USP24: variants seen among roughly 807,000 people sequenced by gnomAD.
USP24 encodes the protein ubiquitin carboxyl-terminal hydrolase 24.
Under a neutral mutation model 361.6 loss-of-function variants are expected in USP24, and 97 were observed. That is an observed-to-expected ratio of 0.27 (90% CI 0.23 to 0.32). The LOEUF (loss-of-function observed/expected upper bound fraction) is 0.32. Ranked by LOEUF, USP24 falls within the 10% of genes least tolerant of loss-of-function variation. The pLI is 1.00. For missense variants in USP24, 2,353 were observed against 3,165.6 expected, an observed-to-expected ratio of 0.74 and a Z score of 6.16; for synonymous variants, 1,098 against 1,124.6, an observed-to-expected ratio of 0.98 and a Z score of 0.47.
intron 37 of USP24, 103 bp downstream of exon 37, chr1:55,121,333 C>T (rs1285597543): frequency 2.3e-5 from 24 of 1,051,410 alleles, no homozygotes; most frequent in Middle Eastern, 2.1e-4. Flanking sequence ...CCTGAGAGCA[C>T]TCAATGCCAC....
At chr1:55,191,259 T>C (rs923885863) in intron 1 of USP24, among the ~76,000 whole-genome samples, 8 of 152,198 alleles carry the variant, frequency 5.3e-5, no homozygotes, top group Non-Finnish European at 1.0e-4. Context: ...ACAAGTAACA[T>C]TGTTGGATAC....
At chr1:55,152,030 A>AC (rs920709908) in intron 16 of USP24, 1 of 977,734 alleles carries the variant, frequency 1.0e-6, no homozygotes, top group Admixed American at 6.2e-5. Flanking sequence ...TAAATAATTC[A>AC]CCCCCCTGCC....
At chr1:55,083,178 T>C (rs1196537348) in intron 58 of USP24, 94 bp downstream of exon 58, 15 of 1,272,834 alleles carry the variant, frequency 1.2e-5, no homozygotes, top group Middle Eastern at 3.8e-4. Context: ...ACTTAGACTT[T>C]TATGAAATTA....
intron 38 of USP24, among the ~76,000 whole-genome samples, chr1:55,116,542 T>C (rs1264033337): frequency 6.6e-6 from 1 of 152,076 alleles, no homozygotes; most frequent in Non-Finnish European, 1.5e-5. Flanking sequence ...TAAGCAACTA[T>C]ATGCCAACAA....
Position 55,097,178 on chromosome 1 carries a change from T to A in USP24, c.5716-6A>T. The A allele has an allele frequency of 6.2e-7, 1 of 1,613,724 alleles. No homozygotes were observed. On this transcript the variant is annotated splice_region_variant and splice_polypyrimidine_tract_variant and intron_variant, in intron 48 of 67. Coordinates refer to ENST00000294383, the MANE Select transcript of USP24 (RefSeq NM_015306.3). ...ATGTTTAGCATCCAGGGAAACTATG[T>A]AGAAGCAAAAAGACCATATTAACGT... is the stretch of plus-strand genomic sequence containing the variant.
intron 27 of USP24, 47 bp from the exon 28 acceptor site, chr1:55,137,735 A>C: frequency 1.3e-6 from 2 of 1,577,264 alleles, no homozygotes; most frequent in Non-Finnish European, 1.7e-6. Flanking sequence ...GGAAGAGGAA[A>C]TTATTCATAT....
At chr1:55,085,894 T>C in intron 56 of USP24, 48 bp downstream of exon 56, 1 of 1,565,116 alleles carries the variant, frequency 6.4e-7, no homozygotes, top group Non-Finnish European at 8.8e-7. Flanking sequence ...ATTTAAAACA[T>C]TTGGTAAAAA....
At position 55,083,349 on chromosome 1, in the gene USP24, C is replaced by T; in HGVS notation, c.6898G>A (p.Gly2300Arg). Residue 2300 changes from glycine (G) to arginine (R), a missense_variant, in exon 58 of 68, where the codon GGA becomes AGA. Physicochemically the swap from Gly to Arg is moderately radical, Grantham distance 125. This residue lies in a region of USP24 where 598 missense variants were observed against 761.9 expected (regional missense o/e 0.78). Transcript: ENST00000294383. ...TFVQKQGIRA[G>R]DLLLRHSALR... ...GCTGAATGCCTCAGAAGAAGATCTC[C>T]AGCCCTAATTCCTTGCTGTCACAAG... The T allele has an allele frequency of 1.2e-6, 2 of 1,613,574 alleles. No individual in the cohort carries two copies. The highest frequency in any genetic ancestry group is 1.7e-6 in the Non-Finnish European group (2 of 1,179,656).
chr1:55,123,316 G>T, intron 36 of USP24, 131 bp downstream of exon 36: 3 of 1,036,056 alleles, frequency 2.9e-6, no homozygotes, highest in Non-Finnish European at 4.0e-6. Flanking sequence ...TCTTAGCTAC[G>T]CCACATGCCA....
chr1:55,092,164 G>A lies in USP24; in HGVS notation c.6451-38C>T, dbSNP rs1645391518. Reference sequence around the variant, plus strand: ...AACATGAAAGAGGATATTTTTCACAGAAGTTTTATAGATTATTACACAGTT... The same window carrying A: ...AACATGAAAGAGGATATTTTTCACAAAAGTTTTATAGATTATTACACAGTT... On this transcript the variant is annotated intron_variant, in intron 53 of 67. Transcript: ENST00000294383. The A allele has an allele frequency of 4.9e-6, 7 of 1,418,340 alleles. No individual in the cohort carries two copies. In the Admixed American group the frequency reaches 1.1e-4, roughly 22 times the overall value. The allele number at this position is 1,418,340 out of a possible 1,614,324, so 87.9% of individuals were successfully genotyped here. A position where few individuals can be genotyped will look rare whatever the true frequency, so the allele number is the denominator to read the frequency against.
At chr1:55,157,801 T>TCCAGC (rs1245044324) in intron 10 of USP24, among the ~76,000 whole-genome samples, 3 of 144,140 alleles carry the variant, frequency 2.1e-5, no homozygotes, top group Non-Finnish European at 4.5e-5. Context: ...GCCACTGCAC[T>TCCAGC]CCAGCCTGGG....
chr1:55,175,219 CTTTTTTTTT>C (rs3072970), intron 3 of USP24, among the ~76,000 whole-genome samples: 9 of 66,930 alleles, frequency 1.3e-4, no homozygotes, highest in South Asian at 7.4e-4. Context: ...TACTGGGTCT[CTTTTTTTTT>C]TTTTTTTTTT....
At chr1:55,185,836 T>G (rs917913260) in intron 1 of USP24, among the ~76,000 whole-genome samples, 2 of 152,198 alleles carry the variant, frequency 1.3e-5, no homozygotes, top group Admixed American at 1.3e-4. Context: ...TCCAAAGTTC[T>G]GGGATCACAG....
chr1:55,178,492 C>A (rs1226344614), intron 1 of USP24, among the ~76,000 whole-genome samples: 3 of 151,758 alleles, frequency 2.0e-5, no homozygotes, highest in Admixed American at 6.6e-5. Flanking sequence ...CACGGTGAAA[C>A]CCCGTCTCTA....
At position 55,134,145 on chromosome 1, in the gene USP24, C is replaced by T. The variant is rs370042721; in HGVS notation, c.3306G>A (p.Arg1102=). ...LEEPRITLRV[R]KLLLLIPTDP... ...CAGTGGGTATCAAGAGCAGAAGCTTCCGTACTCGTAGAGTTATCCTGAAGT... is the reference window on the plus strand; with the variant it reads ...CAGTGGGTATCAAGAGCAGAAGCTTTCGTACTCGTAGAGTTATCCTGAAGT... The change falls in exon 30 of 68, where the codon CGG becomes CGA. Residue 1102 remains arginine, a synonymous_variant. Coordinates refer to ENST00000294383, the MANE Select transcript of USP24 (RefSeq NM_015306.3). 5.6e-6 allele frequency: 9 copies of T among 1,613,562 alleles called. No homozygotes were observed. The highest frequency in any genetic ancestry group is 7.6e-6 in the Non-Finnish European group (9 of 1,179,760).
chr1:55,104,822 C>T (rs1645728738), intron 41 of USP24, among the ~76,000 whole-genome samples: 1 of 152,190 alleles, frequency 6.6e-6, no homozygotes, highest in South Asian at 2.1e-4. Context: ...TGCTTCTTAT[C>T]TGAACTTCAG....
Position 55,110,257 on chromosome 1 carries a change from GA to G in USP24, c.4509-12del. 6.6e-7 allele frequency: 1 copy of G among 1,519,732 alleles called. No homozygotes were observed. The highest frequency in any genetic ancestry group is 8.8e-7 in the Non-Finnish European group (1 of 1,132,304). The allele number at this position is 1,519,732 out of a possible 1,614,324, so 94.1% of individuals were successfully genotyped here. ...CACTGAGATAACAGTCTAAAAAACAGAAAGGTTTCAGTTACTAATAAGAGGC... is the reference window on the plus strand; with the variant it reads ...CACTGAGATAACAGTCTAAAAAACAGAAGGTTTCAGTTACTAATAAGAGGC... On this transcript the variant is annotated splice_polypyrimidine_tract_variant and intron_variant, in intron 38 of 67. Coordinates refer to ENST00000294383, the MANE Select transcript of USP24 (RefSeq NM_015306.3).
chr1:55,125,603 T>C, intron 33 of USP24, 55 bp from the exon 34 acceptor site: 2 of 1,580,508 alleles, frequency 1.3e-6, no homozygotes, highest in Admixed American at 1.8e-5. Context: ...TTTAAAAACA[T>C]GATTTGCGAA....
In USP24 at chr1:55,070,689, G is replaced by GAGAAGAGAGGCTTTGACAGGGC. The variant is rs372258159; in HGVS notation, c.7800+1103_7800+1124dup. 5.3e-5 allele frequency among the ~76,000 whole-genome samples: 8 copies of GAGAAGAGAGGCTTTGACAGGGC among 152,298 alleles called. No homozygotes were observed. The East Asian group carries it at 5.8e-4, about 11-fold the overall frequency. ...GAGAAAAGAAGGCAGGGGCAACAGGGAGAAGAGAGGCTTTGACAGGGCAGA... is the reference window on the plus strand; with the variant it reads ...GAGAAAAGAAGGCAGGGGCAACAGGGAGAAGAGAGGCTTTGACAGGGCAGAAGAGAGGCTTTGACAGGGCAGA... On this transcript the variant is annotated intron_variant, in intron 67 of 67. Coordinates refer to ENST00000294383, the MANE Select transcript of USP24 (RefSeq NM_015306.3).
Sources: allele counts gnomAD v4.1 joint callset (sites outside exome capture counted in the v4.1 genomes callset), GRCh38; gene constraint gnomAD v4.1.1; regional missense constraint gnomAD v4.1.1; transcripts MANE v1.5; gene names NCBI Gene and HGNC (gene_info 2026-07-23, HGNC 2026-07-21).